RPS6KA2: variants seen among roughly 807,000 people sequenced by gnomAD.
The protein encoded by RPS6KA2 is ribosomal protein S6 kinase A2, also known as ribosomal protein S6 kinase alpha-2.
In RPS6KA2, 42 loss-of-function variants were observed where a neutral mutation model predicts 91.8. That is an observed-to-expected ratio of 0.46 (90% CI 0.36 to 0.59). The LOEUF is 0.59. RPS6KA2 is among the 20% of genes least tolerant of loss of function. The pLI, the probability that RPS6KA2 is intolerant of heterozygous loss-of-function variation, is 0.00. For missense variants in RPS6KA2, 798 were observed against 978.5 expected (o/e 0.82, Z 2.46); for synonymous variants, 414 against 393.6 (o/e 1.05, Z -0.61).
intron 2 of RPS6KA2, among the ~76,000 whole-genome samples, chr6:166,751,141 G>T (rs923642543): frequency 1.3e-5 from 2 of 152,318 alleles, no homozygotes; most frequent in African/African-American, 4.8e-5. Context: ...GGAGCAGTAA[G>T]ATCTTACAGC....
chr6:166,660,703 A>G (rs1360939917), intron 2 of RPS6KA2, among the ~76,000 whole-genome samples: 2 of 152,200 alleles, frequency 1.3e-5, no homozygotes, highest in South Asian at 4.1e-4. Context: ...AACAGCCTTT[A>G]CAGTATGTGC....
At chr6:166,476,484 C>A (rs922954185) in intron 10 of RPS6KA2, among the ~76,000 whole-genome samples, 1 of 152,212 alleles carries the variant, frequency 6.6e-6, no homozygotes, top group Non-Finnish European at 1.5e-5. Context: ...TGTGCGCACA[C>A]AGAGGGCACA....
chr6:166,771,474 G>C (rs34195114), intron 2 of RPS6KA2, among the ~76,000 whole-genome samples: 5,645 of 152,250 alleles, frequency 0.037, 136 homozygotes, highest in Middle Eastern at 0.058. Context: ...GGCCAGCATG[G>C]TTTGGAGGTG....
intron 1 of RPS6KA2, among the ~76,000 whole-genome samples, chr6:166,567,982 T>C (rs1329828189): frequency 2.0e-5 from 3 of 152,288 alleles, no homozygotes; most frequent in East Asian, 1.9e-4. Context: ...CCTCTGCGCC[T>C]GGCAGCTCCT....
intron 2 of RPS6KA2, among the ~76,000 whole-genome samples, chr6:166,659,006 T>C (rs1316407698): frequency 6.6e-6 from 1 of 152,128 alleles, no homozygotes; most frequent in Admixed American, 6.5e-5. Flanking sequence ...GAATCATACA[T>C]GCTTCTCCGG....
chr6:166,760,509 G>A (rs368016984), intron 2 of RPS6KA2, among the ~76,000 whole-genome samples: 3 of 152,222 alleles, frequency 2.0e-5, no homozygotes, highest in Non-Finnish European at 4.4e-5. Flanking sequence ...ATCGCGGTCT[G>A]GTTTGAGACT....
chr6:166,572,281 C>T (rs1784712013), intron 1 of RPS6KA2, among the ~76,000 whole-genome samples: 1 of 152,132 alleles, frequency 6.6e-6, no homozygotes, highest in Non-Finnish European at 1.5e-5. Flanking sequence ...TATTAGCTAC[C>T]CAATAAATAT....
chr6:166,475,600 G>A (rs1429118856), intron 10 of RPS6KA2: 3 of 302,268 alleles, frequency 9.9e-6, no homozygotes, highest in Non-Finnish European at 2.1e-5. Flanking sequence ...CCCCAAACCA[G>A]TGGCCTCTGG....
At chr6:166,667,468 T>C (rs1209584697) in intron 2 of RPS6KA2, among the ~76,000 whole-genome samples, 1 of 152,252 alleles carries the variant, frequency 6.6e-6, no homozygotes, top group Non-Finnish European at 1.5e-5. Flanking sequence ...TCAAAACACC[T>C]GTTGATACCT....
intron 2 of RPS6KA2, among the ~76,000 whole-genome samples, chr6:166,660,059 T>A (rs940640160): frequency 2.6e-5 from 4 of 152,100 alleles, no homozygotes; most frequent in African/African-American, 9.7e-5. Flanking sequence ...ACCTGGCCAA[T>A]AATTAATTCT....
intron 2 of RPS6KA2, among the ~76,000 whole-genome samples, chr6:166,643,221 T>C (rs898253737): frequency 3.3e-5 from 5 of 152,178 alleles, no homozygotes; most frequent in African/African-American, 9.7e-5. Flanking sequence ...CCATATACAA[T>C]CTAAATAGAA....
intron 2 of RPS6KA2, among the ~76,000 whole-genome samples, chr6:166,719,933 T>G (rs565481966): frequency 6.6e-6 from 1 of 152,258 alleles, no homozygotes; most frequent in Non-Finnish European, 1.5e-5. Context: ...AGGAATTTCA[T>G]GGCAAATTTC....
intron 11 of RPS6KA2, chr6:166,463,575 T>G (rs1301396622): frequency 6.6e-6 from 1 of 152,090 alleles, no homozygotes. Flanking sequence ...AGGATTCTAT[T>G]TATACTAAAG....
intron 1 of RPS6KA2, among the ~76,000 whole-genome samples, chr6:166,543,725 C>CA (rs1353559987): frequency 8.5e-5 from 13 of 152,356 alleles, no homozygotes; most frequent in African/African-American, 3.1e-4. Flanking sequence ...TGTGAATAAA[C>CA]ACTGACAACT....
chr6:166,674,282 T>C lies in RPS6KA2; in HGVS notation c.124-135498A>G, dbSNP rs147166795. On this transcript the variant is annotated intron_variant, in intron 2 of 21. Transcript: ENST00000503859. ...TATTTGAAAGAGTTATTGACTTTGA[T>C]TGGGGACAGTAGTGCTTTGAACATG... 3.3e-5 allele frequency among the ~76,000 whole-genome samples: 5 copies of C among 152,322 alleles called. No individual in the cohort carries two copies. The East Asian group carries it at 5.8e-4, about 18-fold the overall frequency.
chr6:166,619,176 C>T (rs16899256), intron 1 of RPS6KA2, among the ~76,000 whole-genome samples: 4,877 of 152,252 alleles, frequency 0.032, 252 homozygotes, highest in African/African-American at 0.11. Flanking sequence ...ATGATCCATG[C>T]GTTTTCTTTG....
intron 2 of RPS6KA2, among the ~76,000 whole-genome samples, chr6:166,798,501 T>G (rs1779280661): frequency 1.3e-5 from 2 of 152,226 alleles, no homozygotes. Context: ...ACAGCGTCTC[T>G]GCAGATCTGA....
At position 166,648,343 on chromosome 6, in the gene RPS6KA2, CCTCA is replaced by C. The variant is rs140726423; in HGVS notation, c.124-109563_124-109560del. ...CACACACATACATGCACACGCTTCTCCTCACTCCCTGATTTTTATGCTGTTTTTC... is the reference window on the plus strand; with the variant it reads ...CACACACATACATGCACACGCTTCTCCTCCCTGATTTTTATGCTGTTTTTC... On this transcript the variant is annotated intron_variant, in intron 2 of 21. Coordinates refer to the RPS6KA2 transcript ENST00000503859. The surrounding 1 kb of genome is among the most constrained non-coding windows in gnomAD (Gnocchi z 4.8). Among the ~76,000 whole-genome samples, 17,064 of 152,210 alleles carry C rather than the reference CCTCA, an allele frequency of 0.11. 1,122 individuals are homozygous for C. The highest frequency in any genetic ancestry group is 0.16 in the Middle Eastern group (48 of 294).
At chr6:166,810,616 G>A (rs1779606536) in intron 2 of RPS6KA2, among the ~76,000 whole-genome samples, 2 of 152,176 alleles carry the variant, frequency 1.3e-5, no homozygotes, top group South Asian at 4.1e-4. Flanking sequence ...GCCTTTGTGG[G>A]TCGAGGCTGT....
Sources: allele counts gnomAD v4.1 joint callset (sites outside exome capture counted in the v4.1 genomes callset), GRCh38; gene constraint gnomAD v4.1.1; non-coding constraint Gnocchi (gnomAD v3.1); transcripts MANE v1.5; gene names NCBI Gene and HGNC (gene_info 2026-07-23, HGNC 2026-07-21).